CRY1: variants seen among roughly 807,000 people sequenced by gnomAD.
CRY1 encodes cryptochrome-1.
A neutral mutation model predicts 76.0 loss-of-function variants in CRY1; 45 were observed. That is an observed-to-expected ratio of 0.59 (90% confidence interval 0.47 to 0.76). The LOEUF (loss-of-function observed/expected upper bound fraction) is 0.76. Among genes scored for constraint, CRY1 ranks in the 30% least tolerant of loss-of-function variants. The pLI, the probability that CRY1 is intolerant of heterozygous loss-of-function variation, is 0.00. For synonymous variants in CRY1, 248 were observed against 244.0 expected, an observed-to-expected ratio of 1.02 and a Z score of -0.15; for missense variants, 587 against 716.4, an observed-to-expected ratio of 0.82 and a Z score of 2.06.
In CRY1 at chr12:107,018,276, T is replaced by C. The variant is rs114332964; in HGVS notation, c.267+3808A>G. Among the ~76,000 whole-genome samples the C allele has an allele frequency of 7.4e-3, 1,134 of 152,364 alleles. 18 individuals carry two copies. Among genetic ancestry groups the C allele is most frequent in the African/African-American group, 0.024 (1,004 of 41,584 alleles). ...GCCATCTATAGACTTTAGCCATGTG[T>C]CACTGTTTCTTAGATATAATGAGGC... On this transcript the variant is annotated intron_variant, in intron 2 of 12. Coordinates refer to ENST00000008527, the MANE Select transcript of CRY1 (RefSeq NM_004075.5).
At chr12:107,062,253 A>G (rs1953057611) in intron 1 of CRY1, among the ~76,000 whole-genome samples, 1 of 152,094 alleles carries the variant, frequency 6.6e-6, no homozygotes, top group Non-Finnish European at 1.5e-5. Flanking sequence ...TACTTCAGAA[A>G]TGGAAACCAA....
chr12:107,087,258 G>A (rs1440797698), intron 1 of CRY1, among the ~76,000 whole-genome samples: 1 of 150,016 alleles, frequency 6.7e-6, no homozygotes, highest in Non-Finnish European at 1.5e-5. Flanking sequence ...CAGGATGTGG[G>A]AGGGAGTGGA....
intron 1 of CRY1, among the ~76,000 whole-genome samples, chr12:107,058,226 CAG>C (rs547159691): frequency 2.0e-5 from 3 of 151,908 alleles, no homozygotes; most frequent in Non-Finnish European, 4.4e-5. Context: ...TAATAAATGA[CAG>C]AGAGAATGCA....
chr12:106,993,023 C>A lies in CRY1; in HGVS notation c.1599G>T (p.Gly533=), dbSNP rs142529546. 9.3e-6 allele frequency: 15 copies of A among 1,613,964 alleles called. No individual in the cohort carries two copies. The South Asian group carries it at 1.2e-4, about 13-fold the overall frequency. The change falls in exon 11 of 13, where the codon GGG becomes GGT. Residue 533 remains glycine, a synonymous_variant. Coordinates refer to ENST00000008527, the MANE Select transcript of CRY1 (RefSeq NM_004075.5). ...GCSSSGSCSQ[G]SGILHYAHGD... ...CATGAGCATAGTGTAAAATACCACT[C>A]CCTTGAGAGCAACCTGTTAGTATTT... is the stretch of plus-strand genomic sequence containing the variant.
chr12:107,008,715 AT>A (rs1002739790), intron 2 of CRY1, among the ~76,000 whole-genome samples: 1 of 152,152 alleles, frequency 6.6e-6, no homozygotes, highest in Non-Finnish European at 1.5e-5. Flanking sequence ...CTCATTTTGA[AT>A]TGCAGCTCCC....
intron 1 of CRY1, among the ~76,000 whole-genome samples, chr12:107,051,399 T>C (rs1952919106): frequency 6.6e-6 from 1 of 152,168 alleles, no homozygotes. Context: ...GAAAATTGTA[T>C]CTGAAGCACT....
At chr12:107,088,220 C>T (rs1443018729) in intron 1 of CRY1, among the ~76,000 whole-genome samples, 2 of 152,118 alleles carry the variant, frequency 1.3e-5, no homozygotes, top group African/African-American at 2.4e-5. Flanking sequence ...GGTGCTATCA[C>T]GTAATGAGTG....
chr12:107,081,202 A>T (rs1953321126), intron 1 of CRY1, among the ~76,000 whole-genome samples: 1 of 152,120 alleles, frequency 6.6e-6, no homozygotes, highest in African/African-American at 2.4e-5. Context: ...TCAAATGTGT[A>T]ATGAACATGT....
chr12:107,071,663 A>G (rs1953191680), intron 1 of CRY1, among the ~76,000 whole-genome samples: 2 of 152,196 alleles, frequency 1.3e-5, no homozygotes, highest in Non-Finnish European at 2.9e-5. Context: ...AAAGATCAAT[A>G]AAGTATAAAA....
intron 2 of CRY1, among the ~76,000 whole-genome samples, chr12:107,011,165 A>T (rs1270599542): frequency 6.6e-6 from 1 of 152,146 alleles, no homozygotes; most frequent in Admixed American, 6.5e-5. Flanking sequence ...GCAACATGGT[A>T]AAACCCTGTC....
chr12:107,006,162 G>A (rs1265409355), intron 2 of CRY1, among the ~76,000 whole-genome samples: 2 of 152,038 alleles, frequency 1.3e-5, no homozygotes, highest in African/African-American at 4.8e-5. Flanking sequence ...GGGGTGGGTG[G>A]ATCACCTGAG....
chr12:107,086,433 TG>T (rs1218534781), intron 1 of CRY1, among the ~76,000 whole-genome samples: 1 of 152,134 alleles, frequency 6.6e-6, no homozygotes, highest in Non-Finnish European at 1.5e-5. Flanking sequence ...GTCAAGACAA[TG>T]GGGAAAAGCC....
chr12:106,998,072 G>C lies in CRY1; in HGVS notation c.1138-6C>G. Reference sequence around the variant, plus strand: ...AGCAATAATTCTTCAAATACCTTCAGAAGTAACAGTAACCAATTAGTTTGC... The same window carrying C: ...AGCAATAATTCTTCAAATACCTTCACAAGTAACAGTAACCAATTAGTTTGC... On this transcript the variant is annotated splice_polypyrimidine_tract_variant and splice_region_variant and intron_variant, in intron 7 of 12. Coordinates refer to ENST00000008527, the MANE Select transcript of CRY1 (RefSeq NM_004075.5). The C allele has an allele frequency of 6.2e-7, 1 of 1,613,854 alleles. No homozygotes were observed. The highest frequency in any genetic ancestry group is 8.5e-7 in the Non-Finnish European group (1 of 1,179,902).
At chr12:107,071,316 A>G (rs964999556) in intron 1 of CRY1, among the ~76,000 whole-genome samples, 3 of 152,200 alleles carry the variant, frequency 2.0e-5, no homozygotes, top group African/African-American at 7.2e-5. Context: ...GAACTTTATC[A>G]AAAGTATTTT....
intron 1 of CRY1, among the ~76,000 whole-genome samples, chr12:107,084,299 T>C (rs1056273629): frequency 8.5e-5 from 13 of 152,124 alleles, no homozygotes; most frequent in African/African-American, 2.2e-4. Flanking sequence ...CAAGTTACCA[T>C]TGACTTTCTT....
At chr12:107,032,710 A>G (rs1412185236) in intron 1 of CRY1, among the ~76,000 whole-genome samples, 3 of 152,144 alleles carry the variant, frequency 2.0e-5, no homozygotes, top group Non-Finnish European at 2.9e-5. Flanking sequence ...TCGGGAAGCA[A>G]AGGTGGGAGG....
chr12:107,002,183 C>A (rs1344506561), intron 3 of CRY1, among the ~76,000 whole-genome samples: 3 of 151,968 alleles, frequency 2.0e-5, no homozygotes, highest in African/African-American at 7.3e-5. Flanking sequence ...AAATATACTA[C>A]ACAAATATTA....
At chr12:107,087,026 GGAAAA>G (rs755662963) in intron 1 of CRY1, among the ~76,000 whole-genome samples, 42 of 151,650 alleles carry the variant, frequency 2.8e-4, no homozygotes, top group African/African-American at 7.5e-4. Flanking sequence ...AAGAAAGAAA[GGAAAA>G]GAAAAGAGAA....
In CRY1 at chr12:107,021,987, T is replaced by C. The variant is rs572519810; in HGVS notation, c.267+97A>G. 88 of 931,474 alleles carry C rather than the reference T, an allele frequency of 9.4e-5. 1 individual carries two copies. The highest frequency in any genetic ancestry group is 9.3e-4 in the Admixed American group (40 of 43,086). 57.7% of individuals were successfully genotyped at this position (931,474 alleles called of 1,614,324 possible). A position where few individuals can be genotyped will look rare whatever the true frequency, so the allele number is the denominator to read the frequency against. ...CAAAATTTTTACTTGAAAATACTTA[T>C]ATTCGCTACATTTTCAATTAGTCAA... is the stretch of plus-strand genomic sequence containing the variant. On this transcript the variant is annotated intron_variant, in intron 2 of 12. Coordinates refer to ENST00000008527, the MANE Select transcript of CRY1 (RefSeq NM_004075.5).
Sources: gnomAD v4.1 joint callset for allele counts (sites outside exome capture counted in the v4.1 genomes callset) on GRCh38, gnomAD v4.1.1 for gene constraint, MANE v1.5 for transcripts, NCBI Gene and HGNC (gene_info 2026-07-23, HGNC 2026-07-21) for gene names.